The following SHB variants were observed in gnomAD, a reference collection of about 807,000 sequenced individuals.
SHB encodes the protein SH2 domain-containing adapter protein B.
In SHB, 20 loss-of-function variants were observed where a neutral mutation model predicts 52.3. The observed-to-expected ratio is 0.38, with a 90% CI of 0.27 to 0.56. The LOEUF is 0.56. Among genes scored for constraint, SHB ranks in the 20% least tolerant of loss-of-function variants. The pLI, the probability that SHB is intolerant of heterozygous loss-of-function variation, is 0.71. For missense variants in SHB, 825 were observed against 723.3 expected (o/e 1.14, Z -1.61); for synonymous variants, 397 against 316.5 (o/e 1.25, Z -2.70).
chr9:37,978,769 T>C (rs370563534), intron 2 of SHB, among the ~76,000 whole-genome samples: 23 of 152,082 alleles, frequency 1.5e-4, no homozygotes, highest in Admixed American at 1.3e-3. Flanking sequence ...TACAGGAAGG[T>C]AAACAGCTAC....
At chr9:38,013,993 C>T (rs529365640) in intron 2 of SHB, among the ~76,000 whole-genome samples, 1 of 152,156 alleles carries the variant, frequency 6.6e-6, no homozygotes, top group Non-Finnish European at 1.5e-5. Context: ...GGAGTCTGGT[C>T]CCTGGCAGGG....
intron 1 of SHB, among the ~76,000 whole-genome samples, chr9:38,062,343 G>A (rs559750706): frequency 1.3e-5 from 2 of 152,260 alleles, no homozygotes; most frequent in African/African-American, 4.8e-5. Context: ...GGCATCGAAG[G>A]CCCTAATTAA....
At chr9:38,029,689 C>T (rs1388942340) in intron 1 of SHB, among the ~76,000 whole-genome samples, 1 of 152,092 alleles carries the variant, frequency 6.6e-6, no homozygotes. Flanking sequence ...CAGGGTTTCA[C>T]CATGTTGGCC....
intron 2 of SHB, among the ~76,000 whole-genome samples, chr9:37,978,688 T>C (rs992671607): frequency 4.0e-5 from 6 of 151,304 alleles, no homozygotes; most frequent in Non-Finnish European, 7.4e-5. Flanking sequence ...AGATTTGGCC[T>C]ATATCTACAC....
Position 38,068,161 on chromosome 9 carries a change from T to C in SHB, c.485A>G (p.Tyr162Cys), listed in dbSNP as rs1381221241. 1 of 1,442,436 alleles carries C rather than the reference T, an allele frequency of 6.9e-7. No individual in the cohort carries two copies. Among genetic ancestry groups the C allele is most frequent in the Non-Finnish European group, 9.0e-7 (1 of 1,110,900 alleles). The allele number at this position is 1,442,436 out of a possible 1,614,324, so 89.4% of individuals were successfully genotyped here. A position where few individuals can be genotyped will look rare whatever the true frequency, so the allele number is the denominator to read the frequency against. Residue 162 changes from tyrosine to cysteine, a missense_variant, in exon 1 of 6, where the codon TAC (tyrosine) becomes TGC (cysteine). By Grantham distance (194) the Tyr-to-Cys change is radical (BLOSUM62 -2). Coordinates refer to ENST00000377707, the MANE Select transcript of SHB (RefSeq NM_003028.3). ...GGGCCGCCGCTCGCTGCTGCTGCGGTAGAGATGCGGAGAGCCGGAGGACGA... is the reference window on the plus strand; with the variant it reads ...GGGCCGCCGCTCGCTGCTGCTGCGGCAGAGATGCGGAGAGCCGGAGGACGA... Reference protein sequence around the residue: ...SSSSSGSPHLYRSSSERRPAT... With the variant: ...SSSSSGSPHLCRSSSERRPAT...
In SHB at chr9:38,004,612, GA is replaced by G. The variant is rs1312607813; in HGVS notation, c.838+11398del. ...CCCAGCCTGAGGGGCAGAGGGTGGGGAAGGGGGACCCAGGGGCCAAGAGAGG... is the reference window on the plus strand; with the variant it reads ...CCCAGCCTGAGGGGCAGAGGGTGGGGAGGGGGACCCAGGGGCCAAGAGAGG... On this transcript the variant is annotated intron_variant, in intron 2 of 5. Coordinates refer to ENST00000377707, the MANE Select transcript of SHB (RefSeq NM_003028.3). Among the ~76,000 whole-genome samples, 4 of 152,230 alleles carry G rather than the reference GA, an allele frequency of 2.6e-5. No individual in the cohort carries two copies. In the East Asian group the frequency reaches 7.7e-4, roughly 29 times the overall value.
At chr9:37,973,276 T>C (rs1215243158) in intron 3 of SHB, among the ~76,000 whole-genome samples, 1 of 152,222 alleles carries the variant, frequency 6.6e-6, no homozygotes, top group Non-Finnish European at 1.5e-5. Flanking sequence ...CAGGCTGGAG[T>C]GCAATGGTGC....
chr9:38,041,411 T>C (rs181459098), intron 1 of SHB, among the ~76,000 whole-genome samples: 3 of 152,162 alleles, frequency 2.0e-5, no homozygotes, highest in African/African-American at 7.2e-5. Context: ...GCATGACCTA[T>C]GGGTATGGGG....
intron 4 of SHB, among the ~76,000 whole-genome samples, chr9:37,951,180 G>A (rs972345292): frequency 6.6e-6 from 1 of 152,226 alleles, no homozygotes; most frequent in Non-Finnish European, 1.5e-5. Context: ...GTGGGAATGT[G>A]GCCAAGTGGT....
intron 1 of SHB, among the ~76,000 whole-genome samples, chr9:38,046,492 C>T (rs182122278): frequency 7.9e-5 from 12 of 152,364 alleles, no homozygotes; most frequent in Non-Finnish European, 1.3e-4. Flanking sequence ...CCTCCTTCTC[C>T]GAGTAGGGCC....
intron 4 of SHB, among the ~76,000 whole-genome samples, chr9:37,949,776 C>T (rs374842152): frequency 2.6e-5 from 4 of 152,190 alleles, no homozygotes; most frequent in Admixed American, 1.3e-4. Context: ...TCCTGCCAGA[C>T]GGCTCTAGCA....
intron 1 of SHB, among the ~76,000 whole-genome samples, chr9:38,065,009 G>A (rs991087751): frequency 1.3e-5 from 2 of 152,182 alleles, no homozygotes; most frequent in African/African-American, 2.4e-5. Context: ...CAGTTACTCA[G>A]GAGGCTAAGG....
At chr9:38,017,702 G>C (rs575860341) in intron 1 of SHB, among the ~76,000 whole-genome samples, 1 of 152,370 alleles carries the variant, frequency 6.6e-6, no homozygotes, top group African/African-American at 2.4e-5. Flanking sequence ...CGTGGCTGTG[G>C]CTCAGGCTCT....
chr9:38,045,922 G>C (rs1821646394), intron 1 of SHB, among the ~76,000 whole-genome samples: 1 of 152,110 alleles, frequency 6.6e-6, no homozygotes, highest in African/African-American at 2.4e-5. Context: ...AAGTTAACAT[G>C]GGTCATGATT....
chr9:37,966,111 T>A, intron 3 of SHB, among the ~76,000 whole-genome samples: 1 of 152,156 alleles, frequency 6.6e-6, no homozygotes, highest in Non-Finnish European at 1.5e-5. Context: ...AGTGCTGGGA[T>A]TACAGGCGTA....
chr9:37,951,972 G>T (rs1832572073), intron 4 of SHB, among the ~76,000 whole-genome samples: 1 of 152,212 alleles, frequency 6.6e-6, no homozygotes, highest in Non-Finnish European at 1.5e-5. Context: ...CAGGCAGGAG[G>T]TCATCTCAGG....
intron 5 of SHB, among the ~76,000 whole-genome samples, chr9:37,948,273 T>C (rs1305336952): frequency 6.6e-6 from 1 of 152,106 alleles, no homozygotes; most frequent in African/African-American, 2.4e-5. Context: ...ATCTGCAAAT[T>C]GGCGACGATA....
intron 2 of SHB, among the ~76,000 whole-genome samples, chr9:37,989,128 T>C (rs960045279): frequency 6.6e-6 from 1 of 152,140 alleles, no homozygotes; most frequent in Non-Finnish European, 1.5e-5. Context: ...TCTGTTTCTC[T>C]GGAGAACCCT....
chr9:38,026,516 C>T (rs1396412191), intron 1 of SHB, among the ~76,000 whole-genome samples: 2 of 152,266 alleles, frequency 1.3e-5, no homozygotes, highest in African/African-American at 4.8e-5. Context: ...CACTAAACAG[C>T]TGCTCTCCCC....
Sources: gnomAD v4.1 joint callset for allele counts (sites outside exome capture counted in the v4.1 genomes callset) on GRCh38, gnomAD v4.1.1 for gene constraint, MANE v1.5 for transcripts, NCBI Gene and HGNC (gene_info 2026-07-23, HGNC 2026-07-21) for gene names.